SLC12A1: variants seen among roughly 807,000 people sequenced by gnomAD.
SLC12A1 encodes Na-K-2Cl cotransporter.
SLC12A1 carries 89 observed loss-of-function variants against 130.4 expected under a neutral mutation model. The observed-to-expected ratio is 0.68, with a 90% CI of 0.58 to 0.81. The LOEUF is 0.81. Among genes scored for constraint, SLC12A1 ranks in the 40% least tolerant of loss-of-function variants. The probability of loss-of-function intolerance (pLI) is 0.00; values close to 1 mark genes in which losing one functional copy is unlikely to be tolerated. For synonymous variants in SLC12A1, 499 were observed against 460.0 expected (o/e 1.08, Z -1.09); for missense variants, 1,310 against 1,336.4 (o/e 0.98, Z 0.31).
rs1224860750 is a variant in SLC12A1 at position 48,222,599 on chromosome 15, TTTC to T, written c.628+1606_628+1608del. The T allele has an allele frequency of 2.0e-5, 3 of 152,136 alleles. No homozygotes were observed. The East Asian group carries it at 5.8e-4, about 29-fold the overall frequency. 9.4% of individuals were successfully genotyped at this position (152,136 alleles called of 1,614,324 possible). A position where few individuals can be genotyped will look rare whatever the true frequency, so the allele number is the denominator to read the frequency against. On this transcript the variant is annotated intron_variant, in intron 4 of 26. Transcript: ENST00000380993. ...ATGGAGGTTTGTGTTTTTCTTTTCG[TTTC>T]TTTTCTTTTTTTAATTCTCGGAAGA...
intron 7 of SLC12A1, among the ~76,000 whole-genome samples, chr15:48,231,442 T>G (rs752495751): frequency 6.6e-6 from 1 of 152,240 alleles, no homozygotes; most frequent in Non-Finnish European, 1.5e-5. Context: ...CTTTATTCCC[T>G]GAGTGAGGCA....
intron 6 of SLC12A1, among the ~76,000 whole-genome samples, chr15:48,229,768 G>A (rs917062001): frequency 3.9e-5 from 6 of 152,194 alleles, no homozygotes; most frequent in African/African-American, 1.4e-4. Flanking sequence ...CAGAAAACTA[G>A]CCATTTCCTA....
chr15:48,259,078 AATAG>A, intron 16 of SLC12A1, 118 bp from the exon 17 acceptor site: 2 of 640,738 alleles, frequency 3.1e-6, no homozygotes. Flanking sequence ...AAACCCAAAA[AATAG>A]ATAGGGGAGA....
chr15:48,264,851 C>T (rs2041815481), intron 17 of SLC12A1, among the ~76,000 whole-genome samples: 1 of 152,150 alleles, frequency 6.6e-6, no homozygotes, highest in Admixed American at 6.5e-5. Flanking sequence ...TTTAAAGTAA[C>T]ATCACATCAA....
chr15:48,288,762 C>T (rs1006948416), intron 23 of SLC12A1, among the ~76,000 whole-genome samples: 1 of 152,174 alleles, frequency 6.6e-6, no homozygotes, highest in African/African-American at 2.4e-5. Context: ...GCCACAGAAG[C>T]CTCATCTCAA....
chr15:48,279,189 G>A (rs114288445), intron 20 of SLC12A1, among the ~76,000 whole-genome samples: 13 of 152,124 alleles, frequency 8.5e-5, no homozygotes, highest in Admixed American at 2.6e-4. Context: ...TGTAATTTAC[G>A]ACACAAACCT....
At chr15:48,281,730 G>A (rs114629063) in intron 20 of SLC12A1, among the ~76,000 whole-genome samples, 1 of 152,248 alleles carries the variant, frequency 6.6e-6, no homozygotes, top group African/African-American at 2.4e-5. Flanking sequence ...ATGTAGAAAG[G>A]GCTTTGTAAT....
rs1426246299 is a variant in SLC12A1, at chr15:48,299,172, A to C, written c.2993A>C (p.Tyr998Ser). 6.2e-7 allele frequency: 1 copy of C among 1,607,266 alleles called. No homozygotes were observed. The highest frequency in any genetic ancestry group is 1.1e-5 in the South Asian group (1 of 88,792). Reference protein sequence around the residue: ...WKVFEEMIEPYRLHESCKDLT... With the variant: ...WKVFEEMIEPSRLHESCKDLT... ...GTCTTTGAAGAGATGATTGAACCAT[A>C]TCGTCTCCATGAAAGCTGCAAAGAT... Residue 998 changes from tyrosine to serine, a missense_variant, in exon 25 of 27, where the codon TAT becomes TCT. By Grantham distance (144) the Tyr-to-Ser change is moderately radical. Coordinates refer to ENST00000380993, the MANE Select transcript of SLC12A1 (RefSeq NM_000338.3).
At chr15:48,258,519 C>CT (rs2041735277) in intron 16 of SLC12A1, among the ~76,000 whole-genome samples, 2 of 152,154 alleles carry the variant, frequency 1.3e-5, no homozygotes, top group African/African-American at 2.4e-5. Context: ...AAATTCCAAA[C>CT]TTTTACGCAT....
At chr15:48,219,850 C>G (rs185763826) in intron 2 of SLC12A1, among the ~76,000 whole-genome samples, 81 of 151,882 alleles carry the variant, frequency 5.3e-4, no homozygotes, top group African/African-American at 1.8e-3. Flanking sequence ...CTCAGGAGCT[C>G]GAGACCAGCC....
chr15:48,255,378 C>T (rs1249836711), intron 15 of SLC12A1, among the ~76,000 whole-genome samples: 1 of 149,562 alleles, frequency 6.7e-6, no homozygotes, highest in Non-Finnish European at 1.5e-5. Flanking sequence ...GTGGAGGTTG[C>T]AGTGAGCCAA....
In SLC12A1 at chr15:48,234,481, G is replaced by A. The variant is rs1009345207; in HGVS notation, c.1088-396G>A. ...AATGTGGCCGGGCGCGGTAGCTCAC[G>A]CCTGTAATCCCAGCCCTTTGGGAGG... On this transcript the variant is annotated intron_variant, in intron 8 of 26. Transcript: ENST00000380993. Among the ~76,000 whole-genome samples the A allele has an allele frequency of 3.9e-5, 6 of 152,160 alleles. No individual in the cohort carries two copies. The South Asian group carries it at 6.2e-4, about 16-fold the overall frequency.
intron 4 of SLC12A1, among the ~76,000 whole-genome samples, chr15:48,222,100 C>T (rs1567306473): frequency 6.6e-6 from 1 of 152,182 alleles, no homozygotes; most frequent in Non-Finnish European, 1.5e-5. Context: ...CAAATGAATG[C>T]TCACAGCCGC....
intron 9 of SLC12A1, 83 bp from the exon 10 acceptor site, chr15:48,241,432 C>A (rs1192137507): frequency 2.3e-5 from 27 of 1,171,672 alleles, no homozygotes; most frequent in Non-Finnish European, 3.5e-5. Context: ...GCCTAAAAAT[C>A]TGAAAATATG....
At chr15:48,214,231 G>T (rs952371624) in intron 2 of SLC12A1, among the ~76,000 whole-genome samples, 1 of 152,030 alleles carries the variant, frequency 6.6e-6, no homozygotes, top group African/African-American at 2.4e-5. Context: ...CTCAGGGCCA[G>T]TTCCCCGGGG....
chr15:48,212,533 T>A (rs1188891283), intron 2 of SLC12A1, among the ~76,000 whole-genome samples: 1 of 152,226 alleles, frequency 6.6e-6, no homozygotes, highest in Non-Finnish European at 1.5e-5. Flanking sequence ...TGCCTTTACT[T>A]TGTAAAGAGA....
At chr15:48,223,810 T>C (rs1282829762) in intron 4 of SLC12A1, 3 of 152,232 alleles carry the variant, frequency 2.0e-5, no homozygotes, top group African/African-American at 7.2e-5. Flanking sequence ...ATGAAGAATT[T>C]GGTCCAACTA....
intron 21 of SLC12A1, among the ~76,000 whole-genome samples, chr15:48,287,386 A>T (rs1252693051): frequency 1.3e-5 from 2 of 151,732 alleles, no homozygotes; most frequent in Non-Finnish European, 2.9e-5. Flanking sequence ...CATCTAATTC[A>T]CAAAGATTCA....
chr15:48,284,494 T>C (rs1314441650), intron 20 of SLC12A1, among the ~76,000 whole-genome samples: 1 of 152,168 alleles, frequency 6.6e-6, no homozygotes, highest in East Asian at 1.9e-4. Context: ...TTTTGCATGG[T>C]AGTGAATAAG....
Sources: gnomAD v4.1 joint callset for allele counts (sites outside exome capture counted in the v4.1 genomes callset) on GRCh38, gnomAD v4.1.1 for gene constraint, MANE v1.5 for transcripts, NCBI Gene and HGNC (gene_info 2026-07-23, HGNC 2026-07-21) for gene names.